The following FLT4 variants were observed in gnomAD, a reference collection of about 807,000 sequenced individuals.
FLT4 encodes the protein vascular endothelial growth factor receptor 3.
Under a neutral mutation model 163.2 loss-of-function variants are expected in FLT4, and 30 were observed. The observed-to-expected ratio is 0.18, with a 90% CI of 0.14 to 0.25. FLT4 has a LOEUF of 0.25. Ranked by LOEUF, FLT4 falls within the 10% of genes least tolerant of loss-of-function variation. The pLI, the probability that FLT4 is intolerant of heterozygous loss-of-function variation, is 1.00. For missense variants in FLT4, 1,510 were observed against 1,863.8 expected, an observed-to-expected ratio of 0.81 and a Z score of 3.50; for synonymous variants, 884 against 789.5, an observed-to-expected ratio of 1.12 and a Z score of -2.01.
rs1763860943 is a variant in FLT4, at chr5:180,628,888, A to G, written c.1097T>C (p.Phe366Ser). The G allele has an allele frequency of 1.9e-6, 3 of 1,606,652 alleles. No homozygotes were observed. Among genetic ancestry groups the G allele is most frequent in the Non-Finnish European group, 2.5e-6 (3 of 1,177,202 alleles). The change falls in exon 8 of 30, where the codon TTC becomes TCC. Residue 366 changes from phenylalanine to serine, a missense_variant. This residue lies in a region of FLT4 where 878 missense variants were observed against 1,016.7 expected (regional missense o/e 0.86). Transcript: ENST00000261937. ...GGGGAGCCAGGGCTGTTACCACTGG[A>G]ACTCGGGCGGGGGGTACGCTGCCAG... The part of the protein sequence containing the change: ...VKLAAYPPPE[F>S]QWYKDGKALS...
chr5:180,613,027 G>A lies in FLT4; in HGVS notation c.3415C>T (p.Leu1139=). Residue 1139 remains leucine (L), a synonymous_variant, in exon 25 of 30, where the codon CTG becomes TTG. Coordinates refer to ENST00000261937, the MANE Select transcript of FLT4 (RefSeq NM_182925.5). ...GAGGCTCACATGGCGGGAGTGGCCA[G>A]CTCCGGGGCCCTCATCCTTGTGCCG... is the stretch of plus-strand genomic sequence containing the variant. ...RDGTRMRAPE[L]ATPAIRRIML... The A allele has an allele frequency of 6.2e-7, 1 of 1,612,866 alleles. No homozygotes were observed. Among genetic ancestry groups the A allele is most frequent in the Non-Finnish European group, 8.5e-7 (1 of 1,179,234 alleles).
chr5:180,609,347 G>A (rs1027998966), intron 28 of FLT4: 18 of 511,596 alleles, frequency 3.5e-5, no homozygotes, highest in East Asian at 1.0e-4. Context: ...AGCAGGAGCC[G>A]TGGGAGAAGC....
In FLT4 at chr5:180,601,854, G is replaced by C; in HGVS notation, c.*1338C>G. The C allele has an allele frequency of 4.3e-6, 1 of 233,464 alleles. No homozygotes were observed. The allele number at this position is 233,464 out of a possible 1,614,324, so 14.5% of individuals were successfully genotyped here. A position where few individuals can be genotyped will look rare whatever the true frequency, so the allele number is the denominator to read the frequency against. ...GGAGGTGGGGAGGGGAGGGTCGGCC[G>C]GGCAAGCCCCTGCCCGCTGCGCGGC... is the stretch of plus-strand genomic sequence containing the variant. On this transcript the variant is annotated 3_prime_UTR_variant, in exon 30 of 30. Transcript: ENST00000261937.
chr5:180,641,070 A>G (rs930307703), intron 1 of FLT4, among the ~76,000 whole-genome samples: 1 of 152,052 alleles, frequency 6.6e-6, no homozygotes. Flanking sequence ...TCTCTCAACC[A>G]TCACCCTGAG....
chr5:180,648,341 C>T (rs1281903316), intron 1 of FLT4, among the ~76,000 whole-genome samples: 1 of 152,214 alleles, frequency 6.6e-6, no homozygotes, highest in Non-Finnish European at 1.5e-5. Flanking sequence ...TGAGCAAAGG[C>T]AGGCTTTGTC....
intron 1 of FLT4, 26 bp downstream of exon 1, chr5:180,649,462 G>A: frequency 6.9e-7 from 1 of 1,450,614 alleles, no homozygotes; most frequent in Non-Finnish European, 9.1e-7. Flanking sequence ...CCACGCTCGG[G>A]CGGGTGGCCC....
At chr5:180,632,535 G>A (rs1581685880) in intron 1 of FLT4, among the ~76,000 whole-genome samples, 4 of 152,080 alleles carry the variant, frequency 2.6e-5, no homozygotes, top group South Asian at 2.1e-4. Flanking sequence ...TAGGCTGGCC[G>A]GGCTGGGCCT....
At chr5:180,622,264 CTCTCTGCTGGTGCCCTGATCTACA>C in intron 12 of FLT4, among the ~76,000 whole-genome samples, 1 of 125,494 alleles carries the variant, frequency 8.0e-6, no homozygotes, top group African/African-American at 2.9e-5. Context: ...TGGGCTCCAT[CTCTCTGCTGGTGCCCTGATCTACA>C]TCTCTCTGCT....
chr5:180,637,069 C>T (rs1282369275), intron 1 of FLT4, among the ~76,000 whole-genome samples: 1 of 152,100 alleles, frequency 6.6e-6, no homozygotes, highest in Non-Finnish European at 1.5e-5. Context: ...AGAAACACCC[C>T]ACTGGCTGGG....
At position 180,626,034 on chromosome 5, in the gene FLT4, G is replaced by A. The variant is rs1763578289; in HGVS notation, c.1259-3C>T. On this transcript the variant is annotated splice_region_variant and splice_polypyrimidine_tract_variant and intron_variant, in intron 9 of 29. Transcript: ENST00000261937. ...CTTCTCATGTATCTGGGGGGGCACT[G>A]TGGGCACACAGATGGCCGGTCAGCT... is the stretch of plus-strand genomic sequence containing the variant. 6.2e-7 allele frequency: 1 copy of A among 1,612,616 alleles called. No individual in the cohort carries two copies. Among genetic ancestry groups the A allele is most frequent in the Non-Finnish European group, 8.5e-7 (1 of 1,179,994 alleles).
At chr5:180,637,305 G>A (rs1236856913) in intron 1 of FLT4, among the ~76,000 whole-genome samples, 2 of 150,266 alleles carry the variant, frequency 1.3e-5, no homozygotes, top group Non-Finnish European at 3.0e-5. Flanking sequence ...ACTCCAGCCT[G>A]GGACAGAGCG....
At chr5:180,611,515 C>T (rs1291305051) in intron 26 of FLT4, 36 bp from the exon 27 acceptor site, 1 of 1,611,184 alleles carries the variant, frequency 6.2e-7, no homozygotes, top group Admixed American at 1.7e-5. Flanking sequence ...GGCCAGAAAC[C>T]ACCAGCCACT....
At chr5:180,644,371 CTGCTTTGTAA>C (rs1266412751) in intron 1 of FLT4, among the ~76,000 whole-genome samples, 1 of 152,236 alleles carries the variant, frequency 6.6e-6, no homozygotes, top group African/African-American at 2.4e-5. Flanking sequence ...CTGCAACATG[CTGCTTTGTAA>C]AGGTCTCTGG....
chr5:180,633,013 G>A (rs545832085), intron 1 of FLT4, among the ~76,000 whole-genome samples: 10 of 151,746 alleles, frequency 6.6e-5, no homozygotes, highest in Non-Finnish European at 1.3e-4. Flanking sequence ...CGTCCAACAC[G>A]TCCCTTGGGG....
rs918814273 is a variant in FLT4 at position 180,612,409 on chromosome 5, T to G, written c.3537+97A>C. 17 of 870,686 alleles carry G rather than the reference T, an allele frequency of 2.0e-5. No homozygotes were observed. The South Asian group carries it at 2.0e-4, about 10-fold the overall frequency. 53.9% of individuals were successfully genotyped at this position (870,686 alleles called of 1,614,324 possible). On this transcript the variant is annotated intron_variant, in intron 26 of 29. Coordinates refer to ENST00000261937, the MANE Select transcript of FLT4 (RefSeq NM_182925.5). Reference sequence around the variant, plus strand: ...CCACCCTAGCCTAGCAGCTGAGAGGTGGGCAGAGCCTAGATGGGCTTGGAG... The same window carrying G: ...CCACCCTAGCCTAGCAGCTGAGAGGGGGGCAGAGCCTAGATGGGCTTGGAG...
chr5:180,632,178 A>AG (rs1217691903), intron 1 of FLT4, among the ~76,000 whole-genome samples: 3 of 151,992 alleles, frequency 2.0e-5, no homozygotes, highest in Non-Finnish European at 4.4e-5. Context: ...CCTGAACTGC[A>AG]GCCCTACACC....
intron 1 of FLT4, among the ~76,000 whole-genome samples, chr5:180,632,218 A>C (rs1764231086): frequency 7.1e-6 from 1 of 140,764 alleles, no homozygotes; most frequent in Non-Finnish European, 1.6e-5. Context: ...CGCACATCCC[A>C]GGTCCTCCCC....
chr5:180,641,571 G>C, intron 1 of FLT4, among the ~76,000 whole-genome samples: 1 of 151,376 alleles, frequency 6.6e-6, no homozygotes, highest in East Asian at 1.9e-4. Flanking sequence ...GCTGAGCTGG[G>C]GTTGGGCAGA....
chr5:180,631,895 A>C, intron 1 of FLT4, 117 bp from the exon 2 acceptor site: 3 of 742,268 alleles, frequency 4.0e-6, no homozygotes, highest in Non-Finnish European at 7.0e-6. Flanking sequence ...GGAGCAGCTC[A>C]GGTTCTCAGC....
Sources: gnomAD v4.1 joint callset for allele counts (sites outside exome capture counted in the v4.1 genomes callset) on GRCh38, gnomAD v4.1.1 for gene constraint, gnomAD v4.1.1 regional missense constraint, MANE v1.5 for transcripts, NCBI Gene and HGNC (gene_info 2026-07-23, HGNC 2026-07-21) for gene names.